Variants in SEMA6D observed in about 807,000 individuals in gnomAD.
SEMA6D encodes the protein semaphorin 6D, also known as semaphorin-6D.
SEMA6D carries 35 observed loss-of-function variants against 106.6 expected under a neutral mutation model. That is an observed-to-expected ratio of 0.33 (90% CI 0.25 to 0.44). The LOEUF (loss-of-function observed/expected upper bound fraction) is 0.44. SEMA6D is among the 20% of genes least tolerant of loss of function. The pLI is 1.00. For synonymous variants in SEMA6D, 499 were observed against 487.7 expected (o/e 1.02, Z -0.31); for missense variants, 1,185 against 1,345.9 (o/e 0.88, Z 1.87).
intron 1 of SEMA6D, among the ~76,000 whole-genome samples, chr15:47,260,498 GGTA>G (rs1394996790): frequency 1.3e-5 from 2 of 152,028 alleles, no homozygotes; most frequent in African/African-American, 4.8e-5. Context: ...TGCCTGAGGT[GGTA>G]GAAGTTCTTT....
intron 3 of SEMA6D, among the ~76,000 whole-genome samples, chr15:47,579,420 G>A (rs1198783038): frequency 6.6e-6 from 1 of 152,124 alleles, no homozygotes; most frequent in African/African-American, 2.4e-5. Context: ...GGGATTACAG[G>A]TGTGAGCCAC....
At chr15:47,733,056 A>G (rs2080226449) in intron 1 of SEMA6D, among the ~76,000 whole-genome samples, 1 of 152,238 alleles carries the variant, frequency 6.6e-6, no homozygotes, top group Non-Finnish European at 1.5e-5. Flanking sequence ...TCATGATTAT[A>G]AATTCACATT....
At chr15:47,534,110 G>A (rs889154569) in intron 3 of SEMA6D, among the ~76,000 whole-genome samples, 10 of 152,122 alleles carry the variant, frequency 6.6e-5, no homozygotes, top group Non-Finnish European at 1.3e-4. Context: ...AGGAAAGAAG[G>A]ACACTGAGAA....
At chr15:47,709,275 G>A (rs1242868881) in intron 4 of SEMA6D, among the ~76,000 whole-genome samples, 1 of 152,086 alleles carries the variant, frequency 6.6e-6, no homozygotes, top group African/African-American at 2.4e-5. Context: ...CCCCCATCTG[G>A]CTCCTTAGGA....
intron 3 of SEMA6D, among the ~76,000 whole-genome samples, chr15:47,529,900 T>C (rs964312409): frequency 9.2e-5 from 14 of 152,222 alleles, no homozygotes; most frequent in Admixed American, 3.3e-4. Flanking sequence ...CAGGAAGATA[T>C]TTAAAGCCTT....
At chr15:47,361,659 T>C (rs1000332289) in intron 1 of SEMA6D, among the ~76,000 whole-genome samples, 2 of 152,182 alleles carry the variant, frequency 1.3e-5, no homozygotes, top group Non-Finnish European at 2.9e-5. Flanking sequence ...ATTTATTCAA[T>C]GCTCAGTGCG....
intron 1 of SEMA6D, among the ~76,000 whole-genome samples, chr15:47,207,053 AG>A (rs1266793241): frequency 1.3e-5 from 2 of 152,222 alleles, no homozygotes; most frequent in African/African-American, 2.4e-5. Context: ...ATGGTTGCTG[AG>A]GACTGTTTGC....
chr15:47,323,985 CA>C (rs11299568), intron 1 of SEMA6D, among the ~76,000 whole-genome samples: 104,088 of 143,080 alleles, frequency 0.73, 37,418 homozygotes, highest in East Asian at 0.98. Flanking sequence ...ATACAAGTGG[CA>C]AAAAAAAAAA....
chr15:47,296,362 G>A (rs553904902), intron 1 of SEMA6D, among the ~76,000 whole-genome samples: 13 of 152,228 alleles, frequency 8.5e-5, no homozygotes, highest in African/African-American at 3.1e-4. Context: ...TGCCCCCTTT[G>A]CAATAGATAT....
At chr15:47,187,056 A>G (rs191815010) in intron 1 of SEMA6D, among the ~76,000 whole-genome samples, 16 of 152,244 alleles carry the variant, frequency 1.1e-4, no homozygotes, top group African/African-American at 3.6e-4. Context: ...CCTCCTGGCC[A>G]TTCGCGTTTA....
chr15:47,521,711 C>T lies in SEMA6D; in HGVS notation c.-87+51166C>T, dbSNP rs575974717. On this transcript the variant is annotated intron_variant, in intron 3 of 19. Transcript: ENST00000558014. The stretch of plus-strand genomic sequence containing the variant: ...CATATCATAAAGATTCACGGCTGGG[C>T]ACGGTGGCTCACGCCTGTAATCCCA... Among the ~76,000 whole-genome samples the T allele has an allele frequency of 9.1e-4, 138 of 152,260 alleles. 2 individuals are homozygous for T. The highest frequency in any genetic ancestry group is 2.7e-3 in the African/African-American group (111 of 41,566).
intron 1 of SEMA6D, among the ~76,000 whole-genome samples, chr15:47,277,718 C>T (rs967216526): frequency 2.6e-5 from 4 of 151,676 alleles, no homozygotes; most frequent in African/African-American, 7.3e-5. Context: ...CCTACTAACT[C>T]GTCATCTAGC....
rs528477225 is a variant in SEMA6D at position 47,764,746 on chromosome 15, C to T, written c.1206C>T (p.Ala402=). 4.0e-5 allele frequency: 64 copies of T among 1,614,048 alleles called. No homozygotes were observed. The highest frequency in any genetic ancestry group is 3.3e-4 in the South Asian group (30 of 91,082). The change falls in exon 12 of 19, where the codon GCC becomes GCT. Residue 402 remains alanine, a synonymous_variant. Coordinates refer to ENST00000536845, the MANE Select transcript of SEMA6D (RefSeq NM_001358351.3). ...FIKSHPLMDS[A]VPPIADEPWF... is the part of the protein sequence containing the mutation. The stretch of plus-strand genomic sequence containing the variant: ...AATCTCATCCCCTGATGGACTCTGC[C>T]GTTCCACCCATTGCCGATGAGCCCT...
intron 4 of SEMA6D, among the ~76,000 whole-genome samples, chr15:47,666,286 G>A (rs933278975): frequency 1.3e-5 from 2 of 152,202 alleles, no homozygotes; most frequent in Non-Finnish European, 2.9e-5. Flanking sequence ...TCAGGAAGCT[G>A]GGCCCAGACA....
At chr15:47,196,789 T>G (rs1894390025) in intron 1 of SEMA6D, among the ~76,000 whole-genome samples, 1 of 152,180 alleles carries the variant, frequency 6.6e-6, no homozygotes, top group African/African-American at 2.4e-5. Flanking sequence ...GCGAAACATG[T>G]TAGAAAGAGC....
At chr15:47,544,664 C>T (rs1310987279) in intron 3 of SEMA6D, among the ~76,000 whole-genome samples, 1 of 151,850 alleles carries the variant, frequency 6.6e-6, no homozygotes, top group Non-Finnish European at 1.5e-5. Context: ...AATCAGGAAA[C>T]CTTCTGGAAT....
At chr15:47,589,165 G>T (rs1437995377) in intron 3 of SEMA6D, among the ~76,000 whole-genome samples, 1 of 152,168 alleles carries the variant, frequency 6.6e-6, no homozygotes, top group Non-Finnish European at 1.5e-5. Flanking sequence ...CTCCCGGCAG[G>T]CTTCCTTCAG....
chr15:47,721,949 G>T (rs2079446306), intron 1 of SEMA6D, among the ~76,000 whole-genome samples: 1 of 152,008 alleles, frequency 6.6e-6, no homozygotes, highest in African/African-American at 2.4e-5. Flanking sequence ...AATCCATCCG[G>T]CTGTGAACAG....
intron 4 of SEMA6D, among the ~76,000 whole-genome samples, chr15:47,650,248 G>A (rs1433068230): frequency 6.6e-6 from 1 of 152,156 alleles, no homozygotes; most frequent in African/African-American, 2.4e-5. Context: ...ATAAAAGCTG[G>A]ACTGGACACT....
Sources: allele counts gnomAD v4.1 joint callset (sites outside exome capture counted in the v4.1 genomes callset), GRCh38; gene constraint gnomAD v4.1.1; transcripts MANE v1.5; gene names NCBI Gene and HGNC (gene_info 2026-07-23, HGNC 2026-07-21).